The following MCFD2 variants were observed in gnomAD, a reference collection of about 807,000 sequenced individuals.
MCFD2 encodes the protein multiple coagulation factor deficiency 2, ER cargo receptor complex subunit, also known as multiple coagulation factor deficiency protein 2.
MCFD2 carries 11 observed loss-of-function variants against 12.8 expected under a neutral mutation model. The observed-to-expected ratio is 0.86, with a 90% confidence interval of 0.54 to 1.42. The LOEUF is 1.42. Ranked by LOEUF, MCFD2 falls within the 40% of genes most tolerant of loss-of-function variation. The pLI is 0.00. For synonymous variants in MCFD2, 70 were observed against 68.1 expected (o/e 1.03, Z -0.14); for missense variants, 191 against 178.6 (o/e 1.07, Z -0.40).
chr2:46,908,941 G>A lies in MCFD2; in HGVS notation c.149+82C>T. Reference sequence around the variant, plus strand: ...GCCATAGAAACAGGAAGAAGGAAAGGAGGACTGAGCATGCCCTTGCCGCTG... The same window carrying A: ...GCCATAGAAACAGGAAGAAGGAAAGAAGGACTGAGCATGCCCTTGCCGCTG... On this transcript the variant is annotated intron_variant, in intron 2 of 3. Coordinates refer to ENST00000319466, the MANE Select transcript of MCFD2 (RefSeq NM_139279.6). This position sits in a 1 kb window ranked among gnomAD's most constrained non-coding sequence, Gnocchi z 4.5. 6.4e-7 allele frequency: 1 copy of A among 1,553,124 alleles called. No individual in the cohort carries two copies. Among genetic ancestry groups the A allele is most frequent in the Admixed American group, 1.7e-5 (1 of 59,956 alleles).
Position 46,915,804 on chromosome 2 carries a change from T to TGGGGGGGGGGGGGGGGGCGGG in MCFD2, c.-89_-88insCCCGCCCCCCCCCCCCCCCCC. On this transcript the variant is annotated 5_prime_UTR_variant, in exon 1 of 4. Coordinates refer to ENST00000319466, the MANE Select transcript of MCFD2 (RefSeq NM_139279.6). ...GTCCCCAAAACGCTCTTCCTCGGCT[T>TGGGGGGGGGGGGGGGGGCGGG]CGCCCCGCCCCCCCCCCCCCCCCGA... The TGGGGGGGGGGGGGGGGGCGGG allele has an allele frequency of 1.8e-6, 1 of 568,430 alleles. No individual in the cohort carries two copies. Among genetic ancestry groups the TGGGGGGGGGGGGGGGGGCGGG allele is most frequent in the Non-Finnish European group, 2.0e-6 (1 of 510,736 alleles). The allele number at this position is 568,430 out of a possible 1,614,324, so 35.2% of individuals were successfully genotyped here.
At chr2:46,916,329 C>T, upstream of MCFD2, 1 of 284,056 alleles carries the variant, frequency 3.5e-6, no homozygotes, top group Non-Finnish European at 5.3e-6. Flanking sequence ...AGCTCCACTG[C>T]ACAAGCTGCG....
intron 1 of MCFD2, among the ~76,000 whole-genome samples, chr2:46,926,969 A>G (rs1368866221): frequency 6.8e-6 from 1 of 146,652 alleles, no homozygotes; most frequent in Non-Finnish European, 1.5e-5. Context: ...ACAGAAAAAT[A>G]TAACGGATAG....
At chr2:46,923,889 C>T (rs755139953) in intron 1 of MCFD2, among the ~76,000 whole-genome samples, 2 of 152,042 alleles carry the variant, frequency 1.3e-5, no homozygotes, top group African/African-American at 2.4e-5. Flanking sequence ...CCTGCCACCA[C>T]GCCCAGCTAA....
intron 1 of MCFD2, 135 bp from the exon 2 acceptor site, chr2:46,909,312 A>G (rs530383253): frequency 8.7e-6 from 9 of 1,030,426 alleles, no homozygotes; most frequent in East Asian, 5.2e-5. Flanking sequence ...ACACGGCCCA[A>G]TGCCAGCTCT....
At chr2:46,930,430 C>T (rs1669629647) in intron 1 of MCFD2, among the ~76,000 whole-genome samples, 1 of 140,732 alleles carries the variant, frequency 7.1e-6, no homozygotes, top group Non-Finnish European at 1.5e-5. Flanking sequence ...GAAACGTATT[C>T]CTAGGAAAAA....
chr2:46,909,716 A>G (rs773379457), intron 1 of MCFD2, among the ~76,000 whole-genome samples: 103 of 152,198 alleles, frequency 6.8e-4, no homozygotes, highest in Non-Finnish European at 1.3e-3. Flanking sequence ...CAAGCGGGAA[A>G]GAAACTACAA....
At chr2:46,928,081 G>A (rs1160907544) in intron 1 of MCFD2, among the ~76,000 whole-genome samples, 2 of 151,062 alleles carry the variant, frequency 1.3e-5, no homozygotes, top group African/African-American at 4.9e-5. Context: ...TTGTAGAGAC[G>A]GGTTTTTGCC....
Position 46,935,275 on chromosome 2 carries a change from T to C in MCFD2, c.-8+6297A>G, listed in dbSNP as rs140282672. Among the ~76,000 whole-genome samples, 63 of 152,258 alleles carry C rather than the reference T, an allele frequency of 4.1e-4. 2 individuals carry two copies. In the East Asian group the frequency reaches 0.011, roughly 27 times the overall value. ...ATGACAACTGTTCCTCCCCACACTC[T>C]TTCATCCTGAGCCCAGGAGTTCAAG... On this transcript the variant is annotated intron_variant, in intron 1 of 2. Coordinates refer to the MCFD2 transcript ENST00000409147.
rs906523542 is a variant in MCFD2, at chr2:46,941,695, C to A, written c.-131G>T. 3.2e-6 allele frequency: 5 copies of A among 1,550,846 alleles called. No homozygotes were observed. The highest frequency in any genetic ancestry group is 2.0e-5 in the Admixed American group (1 of 51,072). On this transcript the variant is annotated 5_prime_UTR_variant, in exon 1 of 3. Coordinates refer to the MCFD2 transcript ENST00000409147. The surrounding 1 kb of genome is among the most constrained non-coding windows in gnomAD (Gnocchi z 4.2). ...CGGCGGAGGTAACAGGCGAGGCAGC[C>A]CGAGCGCAGCGTTCACCTTTCCGGA...
chr2:46,904,892 C>CGTATCATTAAAAA lies in MCFD2; in HGVS notation c.*570_*571insTTTTTAATGATAC. The CGTATCATTAAAAA allele has an allele frequency of 1.0e-5, 2 of 191,982 alleles. No homozygotes were observed. Among genetic ancestry groups the CGTATCATTAAAAA allele is most frequent in the East Asian group, 1.3e-4 (1 of 7,408 alleles). The allele number at this position is 191,982 out of a possible 1,614,324, so 11.9% of individuals were successfully genotyped here. A position where few individuals can be genotyped will look rare whatever the true frequency, so the allele number is the denominator to read the frequency against. On this transcript the variant is annotated 3_prime_UTR_variant, in exon 4 of 4. Coordinates refer to ENST00000319466, the MANE Select transcript of MCFD2 (RefSeq NM_139279.6). Reference sequence around the variant, plus strand: ...GAATGATATGGTTTGGCTATGTCCCCACCCAAATCTCAACTTGAAATTGTA... The same window carrying CGTATCATTAAAAA: ...GAATGATATGGTTTGGCTATGTCCCCGTATCATTAAAAAACCCAAATCTCAACTTGAAATTGTA...
At chr2:46,915,024 TC>T (rs1361926188) in intron 1 of MCFD2, among the ~76,000 whole-genome samples, 4 of 152,136 alleles carry the variant, frequency 2.6e-5, no homozygotes, top group Admixed American at 2.6e-4. Context: ...GGTCACATGA[TC>T]AGATTTCTGT....
intron 1 of MCFD2, 58 bp downstream of exon 1, chr2:46,915,665 G>T: frequency 1.5e-6 from 1 of 657,114 alleles, no homozygotes; most frequent in Non-Finnish European, 1.9e-6. Flanking sequence ...CAAGCCTCCA[G>T]CCCACAGGAG....
At chr2:46,909,479 CTG>C (rs1668392757) in intron 1 of MCFD2, among the ~76,000 whole-genome samples, 1 of 149,980 alleles carries the variant, frequency 6.7e-6, no homozygotes, top group African/African-American at 2.5e-5. Flanking sequence ...TTATGGTCCC[CTG>C]AAAGAAATAT....
chr2:46,906,676 C>G (rs572186256), intron 3 of MCFD2, among the ~76,000 whole-genome samples: 1 of 151,418 alleles, frequency 6.6e-6, no homozygotes, highest in African/African-American at 2.4e-5. Context: ...TTTGTAGAGA[C>G]GGGATATCAC....
chr2:46,920,924 T>C (rs1446474707), intron 1 of MCFD2, among the ~76,000 whole-genome samples: 2 of 151,590 alleles, frequency 1.3e-5, no homozygotes, highest in African/African-American at 4.9e-5. Flanking sequence ...AGAAAAACTA[T>C]ATGATAATTT....
At chr2:46,921,084 C>T (rs1012407607) in intron 1 of MCFD2, among the ~76,000 whole-genome samples, 2 of 152,120 alleles carry the variant, frequency 1.3e-5, no homozygotes, top group African/African-American at 4.8e-5. Flanking sequence ...AGACTGAATG[C>T]TTTTCCCTTA....
At chr2:46,914,127 G>C (rs1668596315) in intron 1 of MCFD2, 1 of 152,308 alleles carries the variant, frequency 6.6e-6, no homozygotes, top group African/African-American at 2.4e-5. Flanking sequence ...GTGAGTCTTG[G>C]CACCTAGGTG....
In MCFD2 at chr2:46,903,804, A is replaced by C. The variant is rs946570358; in HGVS notation, c.*1659T>G. ...ATAAATAAGGGAAGCAAAGCATAAAAGTTTGGAAATTTGCAGCCTGACTAT... is the reference window on the plus strand; with the variant it reads ...ATAAATAAGGGAAGCAAAGCATAAACGTTTGGAAATTTGCAGCCTGACTAT... On this transcript the variant is annotated 3_prime_UTR_variant, in exon 4 of 4. Transcript: ENST00000319466. 3.9e-5 allele frequency: 6 copies of C among 152,332 alleles called. No homozygotes were observed. The East Asian group carries it at 1.2e-3, about 29-fold the overall frequency. 9.4% of individuals were successfully genotyped at this position (152,332 alleles called of 1,614,324 possible).
Sources: allele counts gnomAD v4.1 joint callset (sites outside exome capture counted in the v4.1 genomes callset), GRCh38; gene constraint gnomAD v4.1.1; non-coding constraint Gnocchi (gnomAD v3.1); transcripts MANE v1.5; gene names NCBI Gene and HGNC (gene_info 2026-07-23, HGNC 2026-07-21).